Variants in STRIP2 observed in about 807,000 individuals in gnomAD.
The protein encoded by STRIP2 is striatin-interacting protein 2.
In STRIP2, 84 loss-of-function variants were observed where a neutral mutation model predicts 107.1. The observed-to-expected ratio is 0.78, with a 90% CI of 0.66 to 0.94. The LOEUF (loss-of-function observed/expected upper bound fraction) is 0.94. Among genes scored for constraint, STRIP2 ranks in the 40% least tolerant of loss-of-function variants. The pLI is 0.00. For synonymous variants in STRIP2, 394 were observed against 400.4 expected (o/e 0.98, Z 0.19); for missense variants, 888 against 1,034.2 (o/e 0.86, Z 1.94).
chr7:129,475,568 C>CTTTTTTTTTTTTTTTTTTTTTTTT lies in STRIP2; in HGVS notation c.1944+4858_1944+4859insTTTTTTTTTTTTTTTTTTTTTTTT, dbSNP rs1193913684. On this transcript the variant is annotated intron_variant, in intron 18 of 20. Transcript: ENST00000249344. Reference sequence around the variant, plus strand: ...CTTTTTTTTTCTTTTTTTTTTTTTTCTTTTTATTTTTTTTTATTGATCATT... The same window carrying CTTTTTTTTTTTTTTTTTTTTTTTT: ...CTTTTTTTTTCTTTTTTTTTTTTTTCTTTTTTTTTTTTTTTTTTTTTTTTTTTTTATTTTTTTTTATTGATCATT... 2.0e-5 allele frequency among the ~76,000 whole-genome samples: 2 copies of CTTTTTTTTTTTTTTTTTTTTTTTT among 99,300 alleles called. 1 individual carries two copies. The highest frequency in any genetic ancestry group is 4.0e-5 in the Non-Finnish European group (2 of 50,308). The allele number at this position is 99,300 out of a possible 152,430, so 65.1% of individuals were successfully genotyped here. A position where few individuals can be genotyped will look rare whatever the true frequency, so the allele number is the denominator to read the frequency against.
chr7:129,476,294 C>A (rs1204473686), intron 18 of STRIP2, among the ~76,000 whole-genome samples: 1 of 151,196 alleles, frequency 6.6e-6, no homozygotes, highest in African/African-American at 2.4e-5. Context: ...CTCCTCACTT[C>A]CCAGATGCGG....
intron 18 of STRIP2, among the ~76,000 whole-genome samples, chr7:129,472,084 T>C (rs778630825): frequency 1.2e-4 from 18 of 152,218 alleles, no homozygotes; most frequent in Non-Finnish European, 2.1e-4. Context: ...ATGGAGAAGT[T>C]AAATAGCTAC....
At chr7:129,484,110 G>A (rs1191964312) in intron 20 of STRIP2, among the ~76,000 whole-genome samples, 2 of 152,300 alleles carry the variant, frequency 1.3e-5, no homozygotes, top group East Asian at 3.9e-4. Context: ...CAGTTGTCCT[G>A]CAAAATACTC....
At chr7:129,481,902 C>G (rs911311294) in intron 19 of STRIP2, among the ~76,000 whole-genome samples, 27 of 151,624 alleles carry the variant, frequency 1.8e-4, no homozygotes, top group Non-Finnish European at 2.9e-5. Context: ...GTGTGGTGGC[C>G]CACACCTGTA....
At position 129,458,652 on chromosome 7, in the gene STRIP2, C is replaced by T. The variant is rs752367241; in HGVS notation, c.1275-60C>T. On this transcript the variant is annotated intron_variant, in intron 10 of 20. Coordinates refer to ENST00000249344, the MANE Select transcript of STRIP2 (RefSeq NM_020704.3). The surrounding 1 kb of genome is among the most constrained non-coding windows in gnomAD (Gnocchi z 4.6). ...AGGGATAGGAGCCCGGAAAGTTTTT[C>T]TCTCTCAAAGTTTGCTTTTCTTCCC... The T allele has an allele frequency of 4.0e-5, 63 of 1,594,818 alleles. No individual in the cohort carries two copies. The highest frequency in any genetic ancestry group is 5.2e-5 in the Non-Finnish European group (60 of 1,163,180).
At position 129,451,737 on chromosome 7, in the gene STRIP2, C is replaced by T; in HGVS notation, c.399C>T (p.Tyr133=). The T allele has an allele frequency of 6.2e-7, 1 of 1,613,152 alleles. No individual in the cohort carries two copies. Among genetic ancestry groups the T allele is most frequent in the Non-Finnish European group, 8.5e-7 (1 of 1,179,960 alleles). ...TGAAGGTGGCCCGGGCTGTTCTCTACCTGGCCCAAGGTGAGTGACCACCCT... is the reference window on the plus strand; with the variant it reads ...TGAAGGTGGCCCGGGCTGTTCTCTATCTGGCCCAAGGTGAGTGACCACCCT... The part of the protein sequence containing the change: ...RRLKVARAVL[Y]LAQGTFGECD... Residue 133 remains tyrosine (Y), a synonymous_variant, in exon 4 of 21, where the codon TAC becomes TAT. Transcript: ENST00000249344.
At position 129,482,962 on chromosome 7, in the gene STRIP2, T is replaced by C; in HGVS notation, c.2170T>C (p.Trp724Arg). ...ACAGACCAAGTACCTGGGGCGCCAA[T>C]GGAGGAAAAGCAACATGAAAACCAT... ...KLQTKYLGRQ[W>R]RKSNMKTMSA... Residue 724 changes from tryptophan (W) to arginine (R), a missense_variant, in exon 20 of 21, where the codon TGG (tryptophan) becomes CGG (arginine). Coordinates refer to ENST00000249344, the MANE Select transcript of STRIP2 (RefSeq NM_020704.3). 1.2e-6 allele frequency: 2 copies of C among 1,614,176 alleles called. No homozygotes were observed. Among genetic ancestry groups the C allele is most frequent in the Non-Finnish European group, 1.7e-6 (2 of 1,180,042 alleles).
Position 129,456,600 on chromosome 7 carries a change from AC to A in STRIP2, c.1001del (p.Pro334HisfsTer56). 6.2e-7 allele frequency: 1 copy of A among 1,613,518 alleles called. No individual in the cohort carries two copies. Among genetic ancestry groups the A allele is most frequent in the Non-Finnish European group, 8.5e-7 (1 of 1,179,884 alleles). ...TTGACCTGGGAGAGTCTCAGCTGGCACCCCCACCCTCCAAGCTGCGAGGCCG... is the reference window on the plus strand; with the variant it reads ...TTGACCTGGGAGAGTCTCAGCTGGCACCCCACCCTCCAAGCTGCGAGGCCG... ...TLDLGESQLA[P>X]PPSKLRGRRG... On this transcript the variant is annotated frameshift_variant, in exon 9 of 21. Coordinates refer to ENST00000249344, the MANE Select transcript of STRIP2 (RefSeq NM_020704.3). LOFTEE classifies it high-confidence loss of function.
At chr7:129,436,179 G>A (rs550196165) in intron 1 of STRIP2, among the ~76,000 whole-genome samples, 9 of 152,246 alleles carry the variant, frequency 5.9e-5, no homozygotes, top group East Asian at 5.8e-4. Context: ...ATTTATCGAG[G>A]ACTTTCTGCC....
At chr7:129,477,945 G>T (rs1189808533) in intron 18 of STRIP2, 1 of 519,962 alleles carries the variant, frequency 1.9e-6, no homozygotes, top group Non-Finnish European at 3.9e-6. Flanking sequence ...TTAAATGGTG[G>T]CAGACATGTC....
At chr7:129,454,248 T>A in intron 6 of STRIP2, 38 bp downstream of exon 6, 1 of 1,602,572 alleles carries the variant, frequency 6.2e-7, no homozygotes, top group Non-Finnish European at 8.5e-7. Context: ...ACAGGGCAGA[T>A]GATTAGCACC....
chr7:129,467,420 A>G lies in STRIP2; in HGVS notation c.1847A>G (p.Asn616Ser). 6.2e-7 allele frequency: 1 copy of G among 1,613,622 alleles called. No individual in the cohort carries two copies. Among genetic ancestry groups the G allele is most frequent in the Non-Finnish European group, 8.5e-7 (1 of 1,179,828 alleles). The change falls in exon 17 of 21, where the codon AAT becomes AGT. Residue 616 changes from asparagine to serine, a missense_variant. By Grantham distance (46) the Asn-to-Ser change is conservative. Coordinates refer to ENST00000249344, the MANE Select transcript of STRIP2 (RefSeq NM_020704.3). Reference protein sequence around the residue: ...IPLILKFFNQNILSYITAKNS... With the variant: ...IPLILKFFNQSILSYITAKNS... ...TTGATCCTGAAGTTCTTCAATCAAA[A>G]TATCTTGTCATACATCACTGCCAAA...
At chr7:129,448,547 C>T (rs1194198599) in intron 3 of STRIP2, among the ~76,000 whole-genome samples, 3 of 152,088 alleles carry the variant, frequency 2.0e-5, no homozygotes, top group East Asian at 1.9e-4. Flanking sequence ...ATTAGTCTTT[C>T]GTCCATTCGA....
At chr7:129,445,043 C>A (rs1393659648) in intron 3 of STRIP2, among the ~76,000 whole-genome samples, 1 of 152,162 alleles carries the variant, frequency 6.6e-6, no homozygotes, top group Non-Finnish European at 1.5e-5. Context: ...TTGCATTCAG[C>A]AAGCAGCTTG....
At chr7:129,485,446 T>A (rs543556559) in intron 20 of STRIP2, 133 bp from the exon 21 acceptor site, 1 of 946,190 alleles carries the variant, frequency 1.1e-6, no homozygotes, top group Admixed American at 3.7e-5. Flanking sequence ...CTTCATACAT[T>A]GCTCTTTACA....
chr7:129,451,572 G>A (rs916395952), intron 3 of STRIP2, 41 bp from the exon 4 acceptor site: 3 of 1,609,110 alleles, frequency 1.9e-6, no homozygotes, highest in Admixed American at 3.4e-5. Context: ...AGGAAGGGTG[G>A]CAATAGCTGA....
chr7:129,483,088 G>T lies in STRIP2; in HGVS notation c.2254+42G>T. ...CTCTTGACTTCCTGGAGTTTCCTGG[G>T]GTTTAGACAAAACTAAATAAATATT... On this transcript the variant is annotated intron_variant, in intron 20 of 20. Transcript: ENST00000249344. The surrounding 1 kb of genome is among the most constrained non-coding windows in gnomAD (Gnocchi z 5.1). 1 of 1,596,434 alleles carries T rather than the reference G, an allele frequency of 6.3e-7. No individual in the cohort carries two copies. Among genetic ancestry groups the T allele is most frequent in the Non-Finnish European group, 8.5e-7 (1 of 1,170,182 alleles).
chr7:129,460,928 G>A (rs1487073751), intron 13 of STRIP2, among the ~76,000 whole-genome samples: 2 of 152,236 alleles, frequency 1.3e-5, no homozygotes, highest in African/African-American at 4.8e-5. Flanking sequence ...AAGTTGACTC[G>A]CAGTCAAAGG....
At chr7:129,464,229 C>T (rs2151007410) in intron 15 of STRIP2, 88 bp downstream of exon 15, 1 of 983,192 alleles carries the variant, frequency 1.0e-6, no homozygotes, top group South Asian at 1.3e-5. Context: ...TTAACACTTA[C>T]AGAGATTGTC....
Sources: gnomAD v4.1 joint callset for allele counts (sites outside exome capture counted in the v4.1 genomes callset) on GRCh38, gnomAD v4.1.1 for gene constraint, Gnocchi (gnomAD v3.1) non-coding constraint, MANE v1.5 for transcripts, NCBI Gene and HGNC (gene_info 2026-07-23, HGNC 2026-07-21) for gene names.